The following TPO variants were observed in gnomAD, a reference collection of about 807,000 sequenced individuals.
TPO encodes the protein thyroid microsomal antigen.
In TPO, 78 loss-of-function variants were observed where a neutral mutation model predicts 96.9. That is an observed-to-expected ratio of 0.81 (90% CI 0.67 to 0.97). TPO has a LOEUF of 0.97. Among genes scored for constraint, TPO ranks in the 50% least tolerant of loss-of-function variants. TPO has a pLI of 0.00. For synonymous variants in TPO, 547 were observed against 538.0 expected, an observed-to-expected ratio of 1.02 and a Z score of -0.23; for missense variants, 1,252 against 1,274.8, an observed-to-expected ratio of 0.98 and a Z score of 0.27.
intron 3 of TPO, among the ~76,000 whole-genome samples, chr2:1,423,947 G>T (rs1230223098): frequency 6.6e-6 from 1 of 152,156 alleles, no homozygotes; most frequent in Non-Finnish European, 1.5e-5. Context: ...TGGCAGTGGG[G>T]GTGGATACCA....
At chr2:1,418,284 CAAAAAAA>C (rs1168526107) in intron 2 of TPO, among the ~76,000 whole-genome samples, 1 of 93,008 alleles carries the variant, frequency 1.1e-5, no homozygotes, top group Non-Finnish European at 2.3e-5. Flanking sequence ...GAATCCATCT[CAAAAAAA>C]AAAAAAAAAG....
intron 14 of TPO, among the ~76,000 whole-genome samples, chr2:1,515,807 T>C (rs1674639745): frequency 1.3e-5 from 2 of 152,118 alleles, no homozygotes; most frequent in South Asian, 4.1e-4. Context: ...AGCCGCTGCC[T>C]CTGTCTGGTA....
chr2:1,493,824 C>T lies in TPO; in HGVS notation c.1791C>T (p.Phe597=), dbSNP rs1672050108. Residue 597 remains phenylalanine (F), a synonymous_variant, in exon 11 of 17, where the codon TTC becomes TTT. Transcript: ENST00000329066. The stretch of plus-strand genomic sequence containing the variant: ...CAGGTTACAATGAGTGGAGGGAGTT[C>T]TGCGGCCTGCCTCGCCTGGAGACCC... ...GLPGYNEWRE[F]CGLPRLETPA... The T allele has an allele frequency of 1.2e-6, 2 of 1,614,114 alleles. No homozygotes were observed. The highest frequency in any genetic ancestry group is 1.7e-6 in the Non-Finnish European group (2 of 1,180,004).
At chr2:1,416,197 A>C (rs13415386) in intron 2 of TPO, among the ~76,000 whole-genome samples, 3,231 of 152,366 alleles carry the variant, frequency 0.021, 106 homozygotes, top group African/African-American at 0.073. Flanking sequence ...AAATGGAGTC[A>C]CAATATAAAG....
chr2:1,376,873 TA>T (rs1661729211), intron 1 of TPO, among the ~76,000 whole-genome samples: 1 of 152,144 alleles, frequency 6.6e-6, no homozygotes, highest in Non-Finnish European at 1.5e-5. Flanking sequence ...TTCATATATC[TA>T]AAAAAAGTAA....
At position 1,414,304 on chromosome 2, in the gene TPO, G is replaced by A. The variant is rs2148398838; in HGVS notation, c.-1-104G>A. ...TCGCTCACTGCGGTAGAGGCTGCGT[G>A]GAGTCAGTGGAGGGAGCCCCTCAGC... On this transcript the variant is annotated intron_variant, in intron 1 of 16. Transcript: ENST00000329066. 1.2e-5 allele frequency: 13 copies of A among 1,095,668 alleles called. No individual in the cohort carries two copies. In the South Asian group the frequency reaches 1.7e-4, roughly 15 times the overall value. 67.9% of individuals were successfully genotyped at this position (1,095,668 alleles called of 1,614,324 possible).
At chr2:1,538,555 A>G (rs1221453844) in intron 15 of TPO, among the ~76,000 whole-genome samples, 1 of 152,238 alleles carries the variant, frequency 6.6e-6, no homozygotes, top group East Asian at 1.9e-4. Flanking sequence ...GTGAACAGTG[A>G]ATGCCAATTA....
rs530904816 is a variant in TPO, at chr2:1,436,969, C to T, written c.482+585C>T. ...ACTGCACTCAGAGTGAGTTCAGATCCGCCCAACAGTGGTGACTGCCCACCT... is the reference window on the plus strand; with the variant it reads ...ACTGCACTCAGAGTGAGTTCAGATCTGCCCAACAGTGGTGACTGCCCACCT... On this transcript the variant is annotated intron_variant, in intron 5 of 16. Transcript: ENST00000329066. 5.1e-4 allele frequency among the ~76,000 whole-genome samples: 78 copies of T among 152,308 alleles called. 1 individual carries two copies. The highest frequency in any genetic ancestry group is 9.6e-4 in the Non-Finnish European group (65 of 68,028).
At chr2:1,399,121 A>C (rs916861959) in intron 1 of TPO, among the ~76,000 whole-genome samples, 13 of 152,222 alleles carry the variant, frequency 8.5e-5, no homozygotes, top group Non-Finnish European at 1.8e-4. Flanking sequence ...TCTGCAGGAC[A>C]GGACTCTGGG....
At chr2:1,420,968 C>G (rs1358289636) in intron 2 of TPO, among the ~76,000 whole-genome samples, 1 of 152,018 alleles carries the variant, frequency 6.6e-6, no homozygotes, top group Admixed American at 6.6e-5. Flanking sequence ...CACCCCTCAA[C>G]AGGGAACAGA....
In TPO at chr2:1,386,341, G is replaced by T. The variant is rs549165439; in HGVS notation, n.180+11939G>T. Among the ~76,000 whole-genome samples, 43 of 152,216 alleles carry T rather than the reference G, an allele frequency of 2.8e-4. No individual in the cohort carries two copies. In the East Asian group the frequency reaches 8.1e-3, roughly 29 times the overall value. ...TTAAAGTCTCCCATTATTATTGTGTGGGAGTCTAAGTCTCTTTGTAGGTCT... is the reference window on the plus strand; with the variant it reads ...TTAAAGTCTCCCATTATTATTGTGTTGGAGTCTAAGTCTCTTTGTAGGTCT... On this transcript the variant is annotated intron_variant and non_coding_transcript_variant, in intron 1 of 5. Coordinates refer to the TPO transcript ENST00000497517.
At chr2:1,437,953 C>T (rs1205494853) in intron 5 of TPO, among the ~76,000 whole-genome samples, 3 of 151,922 alleles carry the variant, frequency 2.0e-5, no homozygotes, top group Admixed American at 6.6e-5. Flanking sequence ...GGAGATGATG[C>T]CTGGGAGTAT....
rs1047855509 is a variant in TPO at position 1,485,767 on chromosome 2, G to C, written c.1597+913G>C. The stretch of plus-strand genomic sequence containing the variant: ...TGATGGGGTTGTTTGTTTTTTCCTT[G>C]TAAATTGGTTTGCATTTTTTGTAGA... On this transcript the variant is annotated intron_variant, in intron 9 of 16. Coordinates refer to ENST00000329066, the MANE Select transcript of TPO (RefSeq NM_001206744.2). 2.0e-5 allele frequency among the ~76,000 whole-genome samples: 3 copies of C among 152,002 alleles called. No individual in the cohort carries two copies. The South Asian group carries it at 6.2e-4, about 31-fold the overall frequency.
intron 1 of TPO, among the ~76,000 whole-genome samples, chr2:1,381,452 T>C (rs1023706106): frequency 6.6e-6 from 1 of 152,160 alleles, no homozygotes; most frequent in Non-Finnish European, 1.5e-5. Context: ...TTCACCATCC[T>C]GAGAACAGCA....
chr2:1,508,990 T>C (rs1214890865), intron 14 of TPO, among the ~76,000 whole-genome samples: 1 of 152,254 alleles, frequency 6.6e-6, no homozygotes, highest in Non-Finnish European at 1.5e-5. Flanking sequence ...GATGTCAATT[T>C]TAGATCTTTC....
At chr2:1,461,861 G>C (rs1323472476) in intron 7 of TPO, among the ~76,000 whole-genome samples, 3 of 152,140 alleles carry the variant, frequency 2.0e-5, no homozygotes, top group Admixed American at 6.5e-5. Flanking sequence ...ACGAGGGCAG[G>C]GGGGGCCGTG....
In TPO at chr2:1,503,711, C is replaced by A. The variant is rs1673103980; in HGVS notation, c.2387-237C>A. The A allele has an allele frequency of 1.2e-5, 9 of 732,564 alleles. 1 individual carries two copies. In the South Asian group the frequency reaches 1.3e-4, roughly 11 times the overall value. 45.4% of individuals were successfully genotyped at this position (732,564 alleles called of 1,614,324 possible). A position where few individuals can be genotyped will look rare whatever the true frequency, so the allele number is the denominator to read the frequency against. On this transcript the variant is annotated intron_variant, in intron 13 of 16. Transcript: ENST00000329066. ...CCTGTGACTCGGGCCTGAGTGAGCC[C>A]CAGTGTGTGGACTCCCTGCAGGCTC...
rs529413894 is a variant in TPO, at chr2:1,507,664, C to T, written c.2518+3585C>T. ...TGAAGCAATTGTGAATGGGAGTTCA[C>T]TCATGATTTGGCTCTCTGTTTGTCT... On this transcript the variant is annotated intron_variant, in intron 14 of 16. Coordinates refer to ENST00000329066, the MANE Select transcript of TPO (RefSeq NM_001206744.2). 2.0e-5 allele frequency among the ~76,000 whole-genome samples: 3 copies of T among 151,542 alleles called. No individual in the cohort carries two copies. In the South Asian group the frequency reaches 6.3e-4, roughly 32 times the overall value.
rs1573443532 is a variant in TPO at position 1,499,499 on chromosome 2, T to C, written c.2386+2734T>C. ...CAGGGGCCTGTCTCGGCATGGTGCG[T>C]GCACAGCAGCCAGTGCTCCTGGTGG... On this transcript the variant is annotated intron_variant, in intron 13 of 16. Transcript: ENST00000329066. 2.6e-5 allele frequency among the ~76,000 whole-genome samples: 4 copies of C among 152,266 alleles called. 1 individual carries two copies. Among genetic ancestry groups the C allele is most frequent in the Admixed American group, 2.6e-4 (4 of 15,310 alleles).
Sources: gnomAD v4.1 joint callset for allele counts (sites outside exome capture counted in the v4.1 genomes callset) on GRCh38, gnomAD v4.1.1 for gene constraint, MANE v1.5 for transcripts, NCBI Gene and HGNC (gene_info 2026-07-23, HGNC 2026-07-21) for gene names.